CRACD: variants seen among roughly 807,000 people sequenced by gnomAD.
CRACD encodes capping protein inhibiting regulator of actin dynamics.
CRACD carries 56 observed loss-of-function variants against 106.8 expected under a neutral mutation model. The observed-to-expected ratio is 0.52, with a 90% CI of 0.42 to 0.66. The LOEUF (loss-of-function observed/expected upper bound fraction) is 0.66. Among genes scored for constraint, CRACD ranks in the 30% least tolerant of loss-of-function variants. The pLI is 0.00. For synonymous variants in CRACD, 754 were observed against 670.8 expected, an observed-to-expected ratio of 1.12 and a Z score of -1.92; for missense variants, 1,730 against 1,623.2, an observed-to-expected ratio of 1.07 and a Z score of -1.13.
chr4:56,062,240 C>T (rs1356933505), intron 1 of CRACD, among the ~76,000 whole-genome samples: 1 of 152,054 alleles, frequency 6.6e-6, no homozygotes, highest in Non-Finnish European at 1.5e-5. Flanking sequence ...CTGGGACAGC[C>T]CTGTTTTAAT....
chr4:56,223,246 A>G (rs1466992584), intron 2 of CRACD, among the ~76,000 whole-genome samples: 1 of 148,734 alleles, frequency 6.7e-6, no homozygotes, highest in African/African-American at 2.5e-5. Flanking sequence ...TCCTAATAAC[A>G]CCTTGAGTTT....
intron 1 of CRACD, among the ~76,000 whole-genome samples, chr4:56,086,659 C>A (rs1733229921): frequency 6.6e-6 from 1 of 152,158 alleles, no homozygotes; most frequent in Admixed American, 6.6e-5. Context: ...CCCCTCCTAT[C>A]TGATTTCCAT....
In CRACD at chr4:56,158,396, TAA is replaced by T. The variant is rs112776932; in HGVS notation, c.-335-20884_-335-20883del. The stretch of plus-strand genomic sequence containing the variant: ...TAAATAAATTTATGGTATTTTTTTT[TAA>T]AAATAATTCCTCTAAAGGAAAGAAC... On this transcript the variant is annotated intron_variant, in intron 1 of 10. Coordinates refer to ENST00000682029, the MANE Select transcript of CRACD (RefSeq NM_001393381.1). Among the ~76,000 whole-genome samples, 226 of 151,684 alleles carry T rather than the reference TAA, an allele frequency of 1.5e-3. 1 individual carries two copies. Among genetic ancestry groups the T allele is most frequent in the African/African-American group, 3.6e-3 (147 of 41,380 alleles).
At chr4:56,215,528 GT>G (rs2109500822) in intron 2 of CRACD, among the ~76,000 whole-genome samples, 1 of 152,314 alleles carries the variant, frequency 6.6e-6, no homozygotes, top group South Asian at 2.1e-4. Context: ...TTACTGCCTT[GT>G]TTTACTTTAT....
chr4:56,228,637 G>A (rs1335989402), intron 2 of CRACD, among the ~76,000 whole-genome samples: 1 of 151,508 alleles, frequency 6.6e-6, no homozygotes, highest in Non-Finnish European at 1.5e-5. Context: ...AGAATTCCAG[G>A]TGAGGGTGTT....
At chr4:56,186,871 G>A (rs890272773) in intron 2 of CRACD, among the ~76,000 whole-genome samples, 1 of 152,120 alleles carries the variant, frequency 6.6e-6, no homozygotes, top group Non-Finnish European at 1.5e-5. Context: ...ACACTAGCCT[G>A]AGCAACATAG....
intron 1 of CRACD, among the ~76,000 whole-genome samples, chr4:56,073,581 T>G (rs1480603535): frequency 2.6e-5 from 4 of 152,182 alleles, no homozygotes; most frequent in Admixed American, 2.0e-4. Context: ...TGTTCTAAGT[T>G]CCTTGTAGAT....
intron 10 of CRACD, among the ~76,000 whole-genome samples, chr4:56,324,549 TACTCCCACCA>T (rs1746307261): frequency 6.6e-6 from 1 of 152,148 alleles, no homozygotes; most frequent in Non-Finnish European, 1.5e-5. Context: ...TCAGTGTAAA[TACTCCCACCA>T]TGGCCTGTTC....
intron 1 of CRACD, chr4:56,097,450 G>A (rs1733635384): frequency 6.5e-6 from 1 of 152,904 alleles, no homozygotes; most frequent in African/African-American, 2.4e-5. Flanking sequence ...GCTAAGCAGG[G>A]TCGGGCCTGG....
At chr4:56,173,889 A>G (rs1401199868) in intron 1 of CRACD, among the ~76,000 whole-genome samples, 4 of 152,096 alleles carry the variant, frequency 2.6e-5, no homozygotes, top group Non-Finnish European at 5.9e-5. Context: ...AACACTTGTT[A>G]TTTTCTGTAT....
At chr4:56,091,384 G>C (rs1426965905) in intron 1 of CRACD, among the ~76,000 whole-genome samples, 1 of 147,324 alleles carries the variant, frequency 6.8e-6, no homozygotes, top group Admixed American at 6.8e-5. Flanking sequence ...TTTTTTAAAC[G>C]CAGGCATATG....
At chr4:56,145,745 T>C (rs1019244329) in intron 1 of CRACD, among the ~76,000 whole-genome samples, 1 of 152,080 alleles carries the variant, frequency 6.6e-6, no homozygotes, top group African/African-American at 2.4e-5. Context: ...CCCCCCAAAG[T>C]AGCTGGGACT....
chr4:56,237,721 TACACACACACACACAC>T (rs36207795), intron 2 of CRACD, among the ~76,000 whole-genome samples: 4 of 144,412 alleles, frequency 2.8e-5, no homozygotes, highest in South Asian at 2.3e-4. Context: ...AGATATTACA[TACACACACACACACAC>T]ACACACACAC....
intron 2 of CRACD, among the ~76,000 whole-genome samples, chr4:56,222,487 T>C (rs2109516006): frequency 6.6e-6 from 1 of 152,314 alleles, no homozygotes; most frequent in East Asian, 1.9e-4. Flanking sequence ...AATTCACCAC[T>C]ATATAATACA....
intron 1 of CRACD, among the ~76,000 whole-genome samples, chr4:56,063,810 T>C (rs1373533937): frequency 2.0e-5 from 3 of 152,194 alleles, no homozygotes; most frequent in East Asian, 3.8e-4. Flanking sequence ...GCTATGAACA[T>C]TGGTGTACAG....
chr4:56,053,989 G>T (rs1210261648), intron 1 of CRACD, among the ~76,000 whole-genome samples: 2 of 152,148 alleles, frequency 1.3e-5, no homozygotes, highest in Non-Finnish European at 2.9e-5. Flanking sequence ...ATTGTGTAAA[G>T]TTGCAGCAAG....
chr4:56,125,331 T>G (rs190784814), intron 1 of CRACD, among the ~76,000 whole-genome samples: 101 of 152,340 alleles, frequency 6.6e-4, no homozygotes, highest in African/African-American at 2.3e-3. Context: ...TTTCTCCCCT[T>G]GCTTTTATTT....
intron 2 of CRACD, among the ~76,000 whole-genome samples, chr4:56,265,267 T>G (rs1741941241): frequency 6.6e-6 from 1 of 152,126 alleles, no homozygotes; most frequent in Non-Finnish European, 1.5e-5. Flanking sequence ...CTTAGTAAAA[T>G]TATGGGATTC....
rs1392291788 is a variant in CRACD at position 56,104,458 on chromosome 4, C to T, written c.-336+55159C>T. 2.6e-5 allele frequency among the ~76,000 whole-genome samples: 4 copies of T among 152,160 alleles called. 1 individual carries two copies. The highest frequency in any genetic ancestry group is 9.6e-5 in the African/African-American group (4 of 41,454). ...AGACAAATTATCTCTGGATTGTTCA[C>T]TTAGCAACAGGGAGCAAATACACAT... On this transcript the variant is annotated intron_variant, in intron 1 of 10. Coordinates refer to ENST00000682029, the MANE Select transcript of CRACD (RefSeq NM_001393381.1).
Sources: gnomAD v4.1 joint callset for allele counts (sites outside exome capture counted in the v4.1 genomes callset) on GRCh38, gnomAD v4.1.1 for gene constraint, MANE v1.5 for transcripts, NCBI Gene and HGNC (gene_info 2026-07-23, HGNC 2026-07-21) for gene names.